Variants in CCDC169 observed in about 807,000 individuals in gnomAD.
The protein encoded by CCDC169 is coiled-coil domain containing 169.
A neutral mutation model predicts 36.0 loss-of-function variants in CCDC169; 30 were observed. The observed-to-expected ratio is 0.83, with a 90% CI of 0.62 to 1.13. The LOEUF is 1.13. Ranked by LOEUF, CCDC169 falls within the 50% of genes most tolerant of loss-of-function variation. CCDC169 has a pLI of 0.00. For missense variants in CCDC169, 245 were observed against 245.9 expected (o/e 1.00, Z 0.03); for synonymous variants, 85 against 81.5 (o/e 1.04, Z -0.23).
At chr13:36,279,723 C>T (rs1242162951) in intron 4 of CCDC169, among the ~76,000 whole-genome samples, 1 of 152,144 alleles carries the variant, frequency 6.6e-6, no homozygotes, top group South Asian at 2.1e-4. Flanking sequence ...TTTTTGTAAA[C>T]CAAGATTTTT....
chr13:36,283,705 G>GAGTAAAA lies in CCDC169; in HGVS notation c.164-10_164-4dup. On this transcript the variant is annotated splice_polypyrimidine_tract_variant and splice_region_variant and intron_variant, in intron 2 of 7. Coordinates refer to ENST00000239859, the MANE Select transcript of CCDC169 (RefSeq NM_001144981.3). ...ATAACGGGTTTTCCATTCACTACCT[G>GAGTAAAA]AGTAAAAACAGGGAGAAACAATCAA... is the stretch of plus-strand genomic sequence containing the variant. The GAGTAAAA allele has an allele frequency of 1.3e-6, 2 of 1,545,566 alleles. No individual in the cohort carries two copies. Among genetic ancestry groups the GAGTAAAA allele is most frequent in the Non-Finnish European group, 1.7e-6 (2 of 1,142,940 alleles).
intron 7 of CCDC169, among the ~76,000 whole-genome samples, chr13:36,232,258 T>G (rs1870519095): frequency 6.6e-6 from 1 of 152,166 alleles, no homozygotes; most frequent in Admixed American, 6.5e-5. Context: ...GGGTTGGAGA[T>G]CCTTTAACAC....
At chr13:36,268,185 G>A (rs1000550082) in intron 4 of CCDC169, among the ~76,000 whole-genome samples, 4 of 152,036 alleles carry the variant, frequency 2.6e-5, no homozygotes, top group Non-Finnish European at 4.4e-5. Flanking sequence ...TCTCATGAGC[G>A]CATGGAACAT....
intron 4 of CCDC169, among the ~76,000 whole-genome samples, chr13:36,255,038 C>T (rs1214869502): frequency 6.6e-6 from 1 of 151,994 alleles, no homozygotes; most frequent in Non-Finnish European, 1.5e-5. Flanking sequence ...TTTTTTTTTC[C>T]AGAGTGCCCA....
intron 4 of CCDC169, chr13:36,274,482 T>G (rs1230488924): frequency 1.3e-5 from 2 of 152,176 alleles, no homozygotes; most frequent in Non-Finnish European, 2.9e-5. Context: ...GGAGCTGCTT[T>G]TATCTGATTA....
intron 4 of CCDC169, among the ~76,000 whole-genome samples, chr13:36,270,379 C>T (rs1875881218): frequency 6.6e-6 from 1 of 151,796 alleles, no homozygotes; most frequent in Admixed American, 6.6e-5. Flanking sequence ...CAATTCCCAT[C>T]AAAATACCAA....
At chr13:36,277,105 C>G (rs1170080685) in intron 4 of CCDC169, among the ~76,000 whole-genome samples, 1 of 152,130 alleles carries the variant, frequency 6.6e-6, no homozygotes, top group East Asian at 1.9e-4. Flanking sequence ...AAATGTGGTA[C>G]ATATACACCA....
intron 2 of CCDC169, among the ~76,000 whole-genome samples, chr13:36,287,953 A>C (rs998141872): frequency 2.4e-4 from 37 of 152,176 alleles, no homozygotes; most frequent in Non-Finnish European, 4.4e-4. Flanking sequence ...TTAGGTGCTC[A>C]CCATTTAGTG....
intron 7 of CCDC169, among the ~76,000 whole-genome samples, chr13:36,234,034 A>T (rs552980832): frequency 6.6e-6 from 1 of 152,306 alleles, no homozygotes; most frequent in Non-Finnish European, 1.5e-5. Flanking sequence ...ATTCTCTCTG[A>T]GGGTGGCTTC....
intron 5 of CCDC169, 93 bp from the exon 6 acceptor site, chr13:36,253,949 G>A: frequency 6.5e-7 from 1 of 1,535,476 alleles, no homozygotes; most frequent in South Asian, 1.2e-5. Context: ...TATAGTGTAG[G>A]AAATAGTTTT....
At chr13:36,233,307 C>T (rs1002450597) in intron 7 of CCDC169, among the ~76,000 whole-genome samples, 2 of 152,060 alleles carry the variant, frequency 1.3e-5, no homozygotes, top group Non-Finnish European at 2.9e-5. Context: ...GCAGCAAAAA[C>T]AGTGACAACA....
intron 6 of CCDC169, among the ~76,000 whole-genome samples, chr13:36,251,689 T>C (rs1265326632): frequency 1.3e-5 from 2 of 152,068 alleles, no homozygotes; most frequent in Non-Finnish European, 2.9e-5. Context: ...CCACTCTTTG[T>C]GAAAGGGAAT....
chr13:36,287,461 T>A (rs978654735), intron 2 of CCDC169, among the ~76,000 whole-genome samples: 5 of 152,214 alleles, frequency 3.3e-5, no homozygotes, highest in African/African-American at 1.2e-4. Flanking sequence ...TGTAGGTCTG[T>A]GAGTTTGTAA....
intron 4 of CCDC169, among the ~76,000 whole-genome samples, chr13:36,277,044 C>A (rs948795175): frequency 2.0e-5 from 3 of 151,902 alleles, no homozygotes; most frequent in African/African-American, 7.3e-5. Flanking sequence ...TTCACAATAG[C>A]AAAGACATGG....
intron 2 of CCDC169, among the ~76,000 whole-genome samples, chr13:36,288,220 C>T (rs866133402): frequency 1.3e-5 from 2 of 152,018 alleles, no homozygotes; most frequent in African/African-American, 2.4e-5. Context: ...ACCATGTTAG[C>T]CACCAGGATG....
Position 36,231,119 on chromosome 13 carries a change from AC to A in CCDC169, c.*73del. 1 of 1,499,082 alleles carries A rather than the reference AC, an allele frequency of 6.7e-7. No individual in the cohort carries two copies. Among genetic ancestry groups the A allele is most frequent in the Non-Finnish European group, 8.9e-7 (1 of 1,127,794 alleles). 92.9% of individuals were successfully genotyped at this position (1,499,082 alleles called of 1,614,324 possible). ...TTTTATTCCCTGAAGAAATGTGCTG[AC>A]CATTAACTTTATAACTTGAATATTA... On this transcript the variant is annotated 3_prime_UTR_variant, in exon 8 of 8. Transcript: ENST00000239859.
At chr13:36,253,038 G>A (rs7336598) in intron 6 of CCDC169, among the ~76,000 whole-genome samples, 61,506 of 151,740 alleles carry the variant, frequency 0.41, 13,206 homozygotes, top group Non-Finnish European at 0.48. Flanking sequence ...CAATACCAAC[G>A]ATATCATAAA....
At chr13:36,244,502 G>A (rs1401137186) in intron 7 of CCDC169, 2 of 152,162 alleles carry the variant, frequency 1.3e-5, no homozygotes, top group Non-Finnish European at 2.9e-5. Context: ...TTTCTTATGT[G>A]ACCCTAACTT....
Position 36,240,951 on chromosome 13 carries a change from A to AT in CCDC169, c.545+7654_545+7655insA, listed in dbSNP as rs546282998. On this transcript the variant is annotated intron_variant, in intron 7 of 7. Transcript: ENST00000239859. ...TGATATATGTAAAGATCTCTAGAATACATCCTTCAACAGCAGTATAGATAT... is the reference window on the plus strand; with the variant it reads ...TGATATATGTAAAGATCTCTAGAATATCATCCTTCAACAGCAGTATAGATAT... 5.9e-5 allele frequency among the ~76,000 whole-genome samples: 9 copies of AT among 152,210 alleles called. No homozygotes were observed. In the East Asian group the frequency reaches 1.7e-3, roughly 29 times the overall value.
Sources: allele counts gnomAD v4.1 joint callset (sites outside exome capture counted in the v4.1 genomes callset), GRCh38; gene constraint gnomAD v4.1.1; transcripts MANE v1.5; gene names NCBI Gene and HGNC (gene_info 2026-07-23, HGNC 2026-07-21).